RCOR1: variants seen among roughly 807,000 people sequenced by gnomAD.
RCOR1 encodes REST corepressor 1.
A neutral mutation model predicts 64.0 loss-of-function variants in RCOR1; 12 were observed. The ratio of observed to expected loss-of-function variants is 0.19; its 90% CI spans 0.12 to 0.30. The LOEUF is 0.30. Among genes scored for constraint, RCOR1 ranks in the 10% least tolerant of loss-of-function variants. RCOR1 has a pLI of 1.00. For missense variants in RCOR1, 502 were observed against 621.2 expected, an observed-to-expected ratio of 0.81 and a Z score of 2.04; for synonymous variants, 279 against 227.2, an observed-to-expected ratio of 1.23 and a Z score of -2.05.
At chr14:102,654,300 T>C (rs1894676983) in intron 2 of RCOR1, among the ~76,000 whole-genome samples, 1 of 152,084 alleles carries the variant, frequency 6.6e-6, no homozygotes, top group African/African-American at 2.4e-5. Context: ...TATTTTTTTA[T>C]AGCAGTGTGA....
intron 2 of RCOR1, among the ~76,000 whole-genome samples, chr14:102,629,860 A>C (rs1209790633): frequency 6.6e-6 from 1 of 152,174 alleles, no homozygotes; most frequent in African/African-American, 2.4e-5. Context: ...ACAGACCATA[A>C]AACTGATATT....
At chr14:102,641,726 C>T (rs946272467) in intron 2 of RCOR1, among the ~76,000 whole-genome samples, 1 of 152,268 alleles carries the variant, frequency 6.6e-6, no homozygotes, top group Admixed American at 6.5e-5. Context: ...GAAAGTGACG[C>T]TTGCACAAGG....
chr14:102,726,457 C>A lies in RCOR1; in HGVS notation c.1420-11C>A. The A allele has an allele frequency of 2.7e-6, 4 of 1,493,060 alleles. No individual in the cohort carries two copies. Among genetic ancestry groups the A allele is most frequent in the South Asian group, 1.2e-5 (1 of 81,774 alleles). The allele number at this position is 1,493,060 out of a possible 1,614,324, so 92.5% of individuals were successfully genotyped here. On this transcript the variant is annotated splice_polypyrimidine_tract_variant and intron_variant, in intron 11 of 11. Coordinates refer to ENST00000262241, the MANE Select transcript of RCOR1 (RefSeq NM_015156.4). ...TGATCCTTTTTTTTTTTTTTTTCCT[C>A]TTGGCCTCAGGCTCCTGTTCTGGAT...
At chr14:102,617,470 A>C (rs1324903279) in intron 2 of RCOR1, among the ~76,000 whole-genome samples, 1 of 152,124 alleles carries the variant, frequency 6.6e-6, no homozygotes, top group Non-Finnish European at 1.5e-5. Context: ...TTGGCTGGGC[A>C]TGATGGCATG....
chr14:102,669,406 G>A (rs1306747792), intron 2 of RCOR1, among the ~76,000 whole-genome samples: 1 of 152,072 alleles, frequency 6.6e-6, no homozygotes. Flanking sequence ...GTTGTCAGTT[G>A]AGAATTCTTA....
At chr14:102,595,513 A>G (rs1893223655) in intron 2 of RCOR1, among the ~76,000 whole-genome samples, 1 of 151,890 alleles carries the variant, frequency 6.6e-6, no homozygotes, top group African/African-American at 2.4e-5. Flanking sequence ...AAAGGAAAAC[A>G]TCTAACTGTT....
chr14:102,712,638 A>T (rs1008176203), intron 7 of RCOR1, among the ~76,000 whole-genome samples: 8 of 148,126 alleles, frequency 5.4e-5, no homozygotes, highest in Non-Finnish European at 5.9e-5. Flanking sequence ...TGTTGAGTCA[A>T]CGTGTTCTAG....
intron 3 of RCOR1, among the ~76,000 whole-genome samples, chr14:102,687,055 A>C (rs1460145047): frequency 1.3e-5 from 2 of 152,234 alleles, no homozygotes; most frequent in African/African-American, 4.8e-5. Context: ...AGTTCTGTCC[A>C]AAAGTATCTC....
chr14:102,705,575 A>G (rs899768258), intron 4 of RCOR1, among the ~76,000 whole-genome samples: 12 of 152,106 alleles, frequency 7.9e-5, no homozygotes, highest in Middle Eastern at 3.2e-3. Flanking sequence ...CAGCCCCCCA[A>G]GTAGCTGCAG....
intron 2 of RCOR1, among the ~76,000 whole-genome samples, chr14:102,659,683 ACTT>A (rs1323093343): frequency 6.6e-6 from 1 of 152,172 alleles, no homozygotes; most frequent in Non-Finnish European, 1.5e-5. Flanking sequence ...ATTTGGGGTG[ACTT>A]CTTGCAAGGG....
intron 2 of RCOR1, chr14:102,659,334 T>C (rs1894786583): frequency 2.2e-6 from 2 of 907,376 alleles, no homozygotes; most frequent in Non-Finnish European, 2.6e-6. Flanking sequence ...CCAGAATCAT[T>C]AAGGCTCATA....
intron 8 of RCOR1, among the ~76,000 whole-genome samples, chr14:102,715,737 A>G (rs765570931): frequency 3.9e-5 from 6 of 152,210 alleles, no homozygotes; most frequent in Non-Finnish European, 5.9e-5. Context: ...TGAATTTTAT[A>G]TAAATGAAAG....
At chr14:102,661,306 C>T (rs530715507) in intron 2 of RCOR1, among the ~76,000 whole-genome samples, 1 of 152,046 alleles carries the variant, frequency 6.6e-6, no homozygotes. Flanking sequence ...CGAGATTGTG[C>T]CGCTGCACTC....
chr14:102,611,496 T>G (rs1341724030), intron 2 of RCOR1, among the ~76,000 whole-genome samples: 1 of 152,232 alleles, frequency 6.6e-6, no homozygotes, highest in Non-Finnish European at 1.5e-5. Context: ...CCTACTTTGC[T>G]TATCTGTTGA....
intron 2 of RCOR1, among the ~76,000 whole-genome samples, chr14:102,612,543 C>G (rs1893652706): frequency 6.6e-6 from 1 of 151,810 alleles, no homozygotes; most frequent in South Asian, 2.1e-4. Flanking sequence ...CCCATGTTAC[C>G]CAGGCTGCTC....
At chr14:102,636,052 C>G (rs973547059) in intron 2 of RCOR1, among the ~76,000 whole-genome samples, 1 of 152,024 alleles carries the variant, frequency 6.6e-6, no homozygotes, top group Non-Finnish European at 1.5e-5. Context: ...CCCACCTCAG[C>G]CTCCTGAGTA....
intron 2 of RCOR1, among the ~76,000 whole-genome samples, chr14:102,653,992 T>TCTTTCTTTGTTTC (rs1567423519): frequency 8.3e-6 from 1 of 120,590 alleles, no homozygotes; most frequent in African/African-American, 3.6e-5. Context: ...TCTTTTTTTT[T>TCTTTCTTTGTTTC]TTTTTTTTTT....
rs1393788288 is a variant in RCOR1, at chr14:102,593,022, G to C, written c.136G>C (p.Ala46Pro). Residue 46 changes from alanine (A) to proline (P), a missense_variant, in exon 1 of 12, where the codon GCC (alanine) becomes CCC (proline). Around this residue, in one of 2 missense-constraint regions of RCOR1, gnomAD observed 242 missense variants for 204.9 expected, o/e 1.18. Coordinates refer to ENST00000262241, the MANE Select transcript of RCOR1 (RefSeq NM_015156.4). ...CTGCGCCTCGCCAGCCGCCACTGCC[G>C]CCTCGGGCGCCGCCGCCTCCTCAGC... is the stretch of plus-strand genomic sequence containing the variant. Reference protein sequence around the residue: ...AACASPAATAASGAAASSASA... With the variant: ...AACASPAATAPSGAAASSASA... The C allele has an allele frequency of 9.6e-6, 12 of 1,245,462 alleles. No individual in the cohort carries two copies. Among genetic ancestry groups the C allele is most frequent in the Non-Finnish European group, 1.2e-5 (12 of 988,352 alleles). The allele number at this position is 1,245,462 out of a possible 1,614,324, so 77.2% of individuals were successfully genotyped here.
chr14:102,593,199 C>T lies in RCOR1; in HGVS notation c.301+12C>T. 2 of 1,482,556 alleles carry T rather than the reference C, an allele frequency of 1.3e-6. No individual in the cohort carries two copies. The highest frequency in any genetic ancestry group is 1.8e-6 in the Non-Finnish European group (2 of 1,121,862). 91.8% of individuals were successfully genotyped at this position (1,482,556 alleles called of 1,614,324 possible). A position where few individuals can be genotyped will look rare whatever the true frequency, so the allele number is the denominator to read the frequency against. ...CGACGAGGAGCACGGTAGGTGGCAG[C>T]CGCCCCCGCGGCCCCGGGCCCCGCG... On this transcript the variant is annotated intron_variant, in intron 1 of 11. Transcript: ENST00000262241.
Sources: gnomAD v4.1 joint callset for allele counts (sites outside exome capture counted in the v4.1 genomes callset) on GRCh38, gnomAD v4.1.1 for gene constraint, gnomAD v4.1.1 regional missense constraint, MANE v1.5 for transcripts, NCBI Gene and HGNC (gene_info 2026-07-23, HGNC 2026-07-21) for gene names.